Variants in USH2A observed in about 807,000 individuals in gnomAD.
USH2A encodes Usher syndrome 2A (autosomal recessive, mild).
A neutral mutation model predicts 538.9 loss-of-function variants in USH2A; 443 were observed. That is an observed-to-expected ratio of 0.82 (90% CI 0.76 to 0.89). The LOEUF is 0.89. Ranked by LOEUF, USH2A falls within the 40% of genes least tolerant of loss-of-function variation. The pLI is 0.00. For synonymous variants in USH2A, 2,413 were observed against 2,273.5 expected (o/e 1.06, Z -1.75); for missense variants, 6,633 against 6,324.8 (o/e 1.05, Z -1.65).
At chr1:215,750,293 A>T (rs563078597) in intron 58 of USH2A, among the ~76,000 whole-genome samples, 8 of 152,110 alleles carry the variant, frequency 5.3e-5, no homozygotes, top group Non-Finnish European at 7.4e-5. Context: ...GAAATTTAAC[A>T]TTGGTTGTAT....
chr1:215,984,745 T>C (rs1028126115), intron 35 of USH2A, among the ~76,000 whole-genome samples: 1 of 152,216 alleles, frequency 6.6e-6, no homozygotes, highest in African/African-American at 2.4e-5. Flanking sequence ...TAGTGTGTCA[T>C]AAAAATAACA....
intron 21 of USH2A, among the ~76,000 whole-genome samples, chr1:216,135,629 G>A (rs904714621): frequency 3.3e-5 from 5 of 151,954 alleles, no homozygotes; most frequent in Non-Finnish European, 7.4e-5. Context: ...TACACCAAAT[G>A]GGAAAATGAG....
intron 4 of USH2A, among the ~76,000 whole-genome samples, chr1:216,349,891 T>C (rs2038246849): frequency 6.6e-6 from 1 of 152,208 alleles, no homozygotes. Flanking sequence ...GATAATGTAT[T>C]AGTCTATTCT....
chr1:216,284,493 T>C (rs1292844647), intron 11 of USH2A, among the ~76,000 whole-genome samples: 1 of 152,220 alleles, frequency 6.6e-6, no homozygotes, highest in African/African-American at 2.4e-5. Context: ...TGAGGAACTA[T>C]AAGTCAATTA....
intron 49 of USH2A, among the ~76,000 whole-genome samples, chr1:215,806,150 C>T (rs1421969971): frequency 6.6e-6 from 1 of 151,908 alleles, no homozygotes; most frequent in African/African-American, 2.4e-5. Context: ...TATCAAAAAC[C>T]CTTCTAATTT....
chr1:216,161,062 GT>G (rs1176794465), intron 21 of USH2A, among the ~76,000 whole-genome samples: 1 of 151,676 alleles, frequency 6.6e-6, no homozygotes, highest in Non-Finnish European at 1.5e-5. Flanking sequence ...CTCTTTCTTT[GT>G]TTTCGAATTT....
chr1:215,901,715 C>A (rs1411937732), intron 38 of USH2A, among the ~76,000 whole-genome samples: 1 of 152,030 alleles, frequency 6.6e-6, no homozygotes, highest in Non-Finnish European at 1.5e-5. Context: ...AAAACTAAAG[C>A]CTATTCTACT....
At chr1:216,270,448 C>T (rs2036553431) in intron 11 of USH2A, among the ~76,000 whole-genome samples, 1 of 152,100 alleles carries the variant, frequency 6.6e-6, no homozygotes, top group Admixed American at 6.6e-5. Flanking sequence ...ACATCATAGA[C>T]TTCTCTTTTA....
chr1:216,173,815 C>T (rs550341639), intron 21 of USH2A: 96 of 339,404 alleles, frequency 2.8e-4, no homozygotes, highest in African/African-American at 1.9e-3. Flanking sequence ...TGAATGGAAA[C>T]GGATGCTATT....
At chr1:215,942,376 C>T (rs967527268) in intron 37 of USH2A, among the ~76,000 whole-genome samples, 1 of 152,092 alleles carries the variant, frequency 6.6e-6, no homozygotes, top group Non-Finnish European at 1.5e-5. Flanking sequence ...CAGCAAGTCA[C>T]AGGTTTTGAA....
At chr1:215,647,751 TAG>T in intron 66 of USH2A, 21 bp from the exon 67 acceptor site, 1 of 1,612,910 alleles carries the variant, frequency 6.2e-7, no homozygotes, top group Non-Finnish European at 8.5e-7. Flanking sequence ...AATGGATACG[TAG>T]AGTCAAGACG....
intron 56 of USH2A, among the ~76,000 whole-genome samples, chr1:215,760,993 T>C (rs1221745720): frequency 1.3e-5 from 2 of 152,228 alleles, no homozygotes; most frequent in Non-Finnish European, 2.9e-5. Flanking sequence ...TCCCAATTTC[T>C]TTTTGTGACC....
At chr1:216,223,562 G>A (rs1481847970) in intron 14 of USH2A, among the ~76,000 whole-genome samples, 1 of 152,072 alleles carries the variant, frequency 6.6e-6, no homozygotes, top group Non-Finnish European at 1.5e-5. Context: ...CTGACGGTTC[G>A]GGCCTCAAGT....
chr1:215,834,782 A>T lies in USH2A; in HGVS notation c.9371+3209T>A, dbSNP rs555260629. 3.9e-3 allele frequency among the ~76,000 whole-genome samples: 573 copies of T among 147,936 alleles called. 4 individuals are homozygous for T. Among genetic ancestry groups the T allele is most frequent in the Non-Finnish European group, 6.1e-3 (407 of 66,936 alleles). On this transcript the variant is annotated intron_variant, in intron 47 of 71. Transcript: ENST00000307340. The stretch of plus-strand genomic sequence containing the variant: ...ATACTTTCTTGTCTTTTTTTTTTTT[A>T]AATTTTCTCCCTCTTTTCCTTTGAT...
intron 44 of USH2A, among the ~76,000 whole-genome samples, chr1:215,852,173 G>T (rs191559600): frequency 6.6e-6 from 1 of 152,164 alleles, no homozygotes; most frequent in South Asian, 2.1e-4. Flanking sequence ...AAAGAAAGAG[G>T]TTTAATGGAC....
chr1:215,701,251 G>A (rs1659004813), intron 61 of USH2A, among the ~76,000 whole-genome samples: 2 of 152,176 alleles, frequency 1.3e-5, no homozygotes, highest in African/African-American at 4.8e-5. Flanking sequence ...GAATAAGTGT[G>A]ATGTGGTGCT....
intron 19 of USH2A, chr1:216,193,949 A>T (rs968855190): frequency 6.6e-6 from 1 of 152,150 alleles, no homozygotes; most frequent in Non-Finnish European, 1.5e-5. Context: ...TCAGCTCCAG[A>T]ACTACCCACG....
chr1:216,187,221 C>T (rs1469859420), intron 20 of USH2A, among the ~76,000 whole-genome samples: 1 of 151,764 alleles, frequency 6.6e-6, no homozygotes, highest in Non-Finnish European at 1.5e-5. Context: ...TTTTTTTCAC[C>T]TTTCTCACAG....
At chr1:216,140,807 C>A (rs558735675) in intron 21 of USH2A, among the ~76,000 whole-genome samples, 42 of 152,268 alleles carry the variant, frequency 2.8e-4, no homozygotes, top group Non-Finnish European at 3.2e-4. Flanking sequence ...AAAGAGCAGG[C>A]CTTCAAGAAA....
Sources: gnomAD v4.1 joint callset for allele counts (sites outside exome capture counted in the v4.1 genomes callset) on GRCh38, gnomAD v4.1.1 for gene constraint, MANE v1.5 for transcripts, NCBI Gene and HGNC (gene_info 2026-07-23, HGNC 2026-07-21) for gene names.